The following TBXAS1 variants were observed in gnomAD, a reference collection of about 807,000 sequenced individuals.
TBXAS1 encodes the protein thromboxane-A synthase.
A neutral mutation model predicts 60.7 loss-of-function variants in TBXAS1; 48 were observed. The ratio of observed to expected loss-of-function variants is 0.79; its 90% confidence interval spans 0.63 to 1.01. TBXAS1 has a LOEUF of 1.01. Ranked by LOEUF, TBXAS1 falls within the 50% of genes least tolerant of loss-of-function variation. The probability of loss-of-function intolerance (pLI) is 0.00; values close to 1 mark genes in which losing one functional copy is unlikely to be tolerated. For missense variants in TBXAS1, 685 were observed against 686.3 expected, an observed-to-expected ratio of 1.00 and a Z score of 0.02; for synonymous variants, 287 against 269.7, an observed-to-expected ratio of 1.06 and a Z score of -0.63.
chr7:139,860,551 T>C (rs1261596463), intron 1 of TBXAS1, among the ~76,000 whole-genome samples: 1 of 152,238 alleles, frequency 6.6e-6, no homozygotes, highest in Non-Finnish European at 1.5e-5. Context: ...CTGGATTGTT[T>C]GGGTGGGCCC....
At chr7:139,945,307 T>C (rs1460855490) in intron 5 of TBXAS1, among the ~76,000 whole-genome samples, 3 of 152,240 alleles carry the variant, frequency 2.0e-5, no homozygotes, top group Non-Finnish European at 4.4e-5. Context: ...TTATAGCTCA[T>C]TGCGATCAGC....
At chr7:139,939,107 G>A (rs773741843) in intron 5 of TBXAS1, among the ~76,000 whole-genome samples, 7 of 152,234 alleles carry the variant, frequency 4.6e-5, no homozygotes, top group Non-Finnish European at 1.0e-4. Flanking sequence ...GCTCACGCCT[G>A]TAATCCCAGC....
chr7:140,005,873 C>G (rs369026919), intron 9 of TBXAS1, among the ~76,000 whole-genome samples: 1 of 152,246 alleles, frequency 6.6e-6, no homozygotes, highest in African/African-American at 2.4e-5. Context: ...TTCCACCCCT[C>G]TGACCCGAGA....
intron 4 of TBXAS1, among the ~76,000 whole-genome samples, chr7:139,918,590 C>A (rs1217066729): frequency 6.6e-6 from 1 of 152,152 alleles, no homozygotes; most frequent in Non-Finnish European, 1.5e-5. Context: ...CAGGAGGGGC[C>A]CTCACTGTCA....
rs73734169 is a variant in TBXAS1 at position 139,989,815 on chromosome 7, C to T, written c.1135-17276C>T. ...CCTTTGATTGTTCCCTTGGTCACTC[C>T]GATGCCATGGTCCTATAGCAATCAG... On this transcript the variant is annotated intron_variant, in intron 9 of 12. Coordinates refer to ENST00000448866, the MANE Select transcript of TBXAS1 (RefSeq NM_001061.7). 7.7e-4 allele frequency among the ~76,000 whole-genome samples: 117 copies of T among 152,320 alleles called. 1 individual carries two copies. The highest frequency in any genetic ancestry group is 2.7e-3 in the African/African-American group (112 of 41,564).
Position 139,975,453 on chromosome 7 carries a change from G to A in TBXAS1, c.1134+13220G>A, listed in dbSNP as rs150453684. On this transcript the variant is annotated intron_variant, in intron 9 of 12. Coordinates refer to ENST00000448866, the MANE Select transcript of TBXAS1 (RefSeq NM_001061.7). This position sits in a 1 kb window ranked among gnomAD's most constrained non-coding sequence, Gnocchi z 4.4. ...CATGGTTCTGATGCCATTCCTCAGC[G>A]CTCTGCTGTTCTTGCCTGACCAAGT... is the stretch of plus-strand genomic sequence containing the variant. 5.3e-4 allele frequency among the ~76,000 whole-genome samples: 81 copies of A among 152,078 alleles called. No homozygotes were observed. In the South Asian group the frequency reaches 8.1e-3, roughly 15 times the overall value.
chr7:139,945,240 C>A (rs192841483), intron 5 of TBXAS1, among the ~76,000 whole-genome samples: 1 of 152,368 alleles, frequency 6.6e-6, no homozygotes, highest in Admixed American at 6.5e-5. Context: ...AAGCAACTGT[C>A]TCAACCTGAT....
intron 10 of TBXAS1, 36 bp downstream of exon 10, chr7:140,007,218 C>A: frequency 6.3e-7 from 1 of 1,588,416 alleles, no homozygotes; most frequent in South Asian, 1.1e-5. Flanking sequence ...CGAGTCCCCA[C>A]CTCCTACCCC....
chr7:140,019,863 G>A (rs1302278728), intron 12 of TBXAS1, among the ~76,000 whole-genome samples, 162 bp from the exon 13 acceptor site: 2 of 152,226 alleles, frequency 1.3e-5, no homozygotes, highest in African/African-American at 4.8e-5. Context: ...GATCAGCAGG[G>A]ACGGCTGGAG....
At chr7:139,935,723 A>G (rs1044619178) in intron 4 of TBXAS1, among the ~76,000 whole-genome samples, 7 of 152,128 alleles carry the variant, frequency 4.6e-5, no homozygotes, top group African/African-American at 1.7e-4. Context: ...CCCTCCACCC[A>G]TACAAGGGTC....
At chr7:139,829,050 C>G, upstream of TBXAS1, 1 of 403,794 alleles carries the variant, frequency 2.5e-6, no homozygotes, top group South Asian at 2.0e-5. Flanking sequence ...TCTCAGAGTA[C>G]AAGTCCGTGG....
intron 5 of TBXAS1, among the ~76,000 whole-genome samples, chr7:139,950,639 C>A (rs1169378338): frequency 6.6e-6 from 1 of 152,068 alleles, no homozygotes; most frequent in African/African-American, 2.4e-5. Context: ...GGAGCCATTG[C>A]AGCTTTGATC....
chr7:139,783,960 T>C (rs990041288), intron 3 of TBXAS1, among the ~76,000 whole-genome samples: 4 of 151,724 alleles, frequency 2.6e-5, no homozygotes, highest in African/African-American at 9.7e-5. Context: ...TCTTCTTGAA[T>C]CACTCCCCTC....
chr7:139,780,500 A>G (rs1394788067), intron 1 of TBXAS1, among the ~76,000 whole-genome samples: 5 of 150,990 alleles, frequency 3.3e-5, no homozygotes, highest in African/African-American at 4.8e-5. Flanking sequence ...TACTGCACAC[A>G]TATTTGTTGA....
In TBXAS1 at chr7:139,951,928, AG is replaced by A. The variant is rs1569518372; in HGVS notation, c.451-1439del. On this transcript the variant is annotated intron_variant, in intron 5 of 12. Coordinates refer to ENST00000448866, the MANE Select transcript of TBXAS1 (RefSeq NM_001061.7). The stretch of plus-strand genomic sequence containing the variant: ...GAAAGAGAAAGAAAGAGAGAAAGAA[AG>A]AGAGAAAGAAGGAAAGAAAGAAAAG... Among the ~76,000 whole-genome samples, 145 of 80,386 alleles carry A rather than the reference AG, an allele frequency of 1.8e-3. 14 individuals are homozygous for A. Among genetic ancestry groups the A allele is most frequent in the Middle Eastern group, 6.3e-3 (1 of 160 alleles). 52.7% of individuals were successfully genotyped at this position (80,386 alleles called of 152,430 possible). A position where few individuals can be genotyped will look rare whatever the true frequency, so the allele number is the denominator to read the frequency against.
At chr7:139,835,191 G>A (rs1026666287) in intron 1 of TBXAS1, among the ~76,000 whole-genome samples, 8 of 151,326 alleles carry the variant, frequency 5.3e-5, no homozygotes, top group Non-Finnish European at 1.0e-4. Context: ...CTCAGCCTCC[G>A]GAGTAGCTGG....
intron 3 of TBXAS1, among the ~76,000 whole-genome samples, chr7:139,909,873 C>T (rs1243527937): frequency 6.6e-6 from 1 of 152,192 alleles, no homozygotes; most frequent in Non-Finnish European, 1.5e-5. Context: ...GGCCGCTTGT[C>T]ATCACTCTGG....
At chr7:139,939,998 G>A (rs1218295027) in intron 5 of TBXAS1, among the ~76,000 whole-genome samples, 6 of 152,202 alleles carry the variant, frequency 3.9e-5, no homozygotes, top group Non-Finnish European at 5.9e-5. Context: ...CCGCACCCGC[G>A]GAATCAATGG....
chr7:140,006,948 G>A (rs1457425476), intron 9 of TBXAS1, 143 bp from the exon 10 acceptor site: 2 of 818,042 alleles, frequency 2.4e-6, no homozygotes, highest in Admixed American at 3.6e-5. Context: ...TGCAATTTGG[G>A]TCATACCGAC....
Sources: gnomAD v4.1 joint callset for allele counts (sites outside exome capture counted in the v4.1 genomes callset) on GRCh38, gnomAD v4.1.1 for gene constraint, Gnocchi (gnomAD v3.1) non-coding constraint, MANE v1.5 for transcripts, NCBI Gene and HGNC (gene_info 2026-07-23, HGNC 2026-07-21) for gene names.